Variants in HSD17B2 observed in about 807,000 individuals in gnomAD.
HSD17B2 encodes hydroxysteroid 17-beta dehydrogenase 2, also known as 17-beta-hydroxysteroid dehydrogenase type 2.
In HSD17B2, 32 loss-of-function variants were observed where a neutral mutation model predicts 26.9. That is an observed-to-expected ratio of 1.19 (90% CI 0.90 to 1.60). HSD17B2 has a LOEUF of 1.60. Among genes scored for constraint, HSD17B2 ranks in the 40% most tolerant of loss-of-function variants. The probability of loss-of-function intolerance (pLI) is 0.00; values close to 1 mark genes in which losing one functional copy is unlikely to be tolerated. For missense variants in HSD17B2, 613 were observed against 468.6 expected, an observed-to-expected ratio of 1.31 and a Z score of -2.85; for synonymous variants, 246 against 186.7, an observed-to-expected ratio of 1.32 and a Z score of -2.59.
chr16:82,050,303 CTTCA>C (rs1428839032), intron 1 of HSD17B2, among the ~76,000 whole-genome samples: 1 of 151,870 alleles, frequency 6.6e-6, no homozygotes, highest in Non-Finnish European at 1.5e-5. Flanking sequence ...AAGAACTCCC[CTTCA>C]TTCTCATTTC....
At chr16:82,076,457 T>C (rs1904302863) in intron 3 of HSD17B2, among the ~76,000 whole-genome samples, 1 of 152,240 alleles carries the variant, frequency 6.6e-6, no homozygotes, top group Non-Finnish European at 1.5e-5. Flanking sequence ...TATCCTTGTT[T>C]GCAGATGATA....
chr16:82,062,723 G>A (rs184862239), intron 1 of HSD17B2, among the ~76,000 whole-genome samples: 48 of 152,358 alleles, frequency 3.2e-4, no homozygotes, highest in African/African-American at 1.1e-3. Flanking sequence ...TGGTAAACAT[G>A]CAATCCATAC....
intron 3 of HSD17B2, among the ~76,000 whole-genome samples, chr16:82,085,480 G>C (rs77906217): frequency 6.6e-6 from 1 of 152,072 alleles, no homozygotes; most frequent in Non-Finnish European, 1.5e-5. Flanking sequence ...AAGTGATAAA[G>C]TCAGGATATG....
rs139979671 is a variant in HSD17B2, at chr16:82,039,839, C to A, written c.265+4150C>A. 3.0e-3 allele frequency among the ~76,000 whole-genome samples: 452 copies of A among 152,270 alleles called. 4 individuals carry two copies. Among genetic ancestry groups the A allele is most frequent in the African/African-American group, 0.01 (436 of 41,560 alleles). ...GCTTCATGGACCACTGGGGAAGACA[C>A]GGCCACACCCAACTGTGGCTGTGTG... On this transcript the variant is annotated intron_variant, in intron 1 of 4. Transcript: ENST00000199936.
Position 82,035,291 on chromosome 16 carries a change from T to C in HSD17B2, c.-134T>C. On this transcript the variant is annotated 5_prime_UTR_variant, in exon 1 of 5. Coordinates refer to ENST00000199936, the MANE Select transcript of HSD17B2 (RefSeq NM_002153.3). ...ATGATTATGCTTAATCTATGCTCAG[T>C]TGAAAGGGGCTGGGGCTGCTTTCTC... 1 of 724,268 alleles carries C rather than the reference T, an allele frequency of 1.4e-6. No individual in the cohort carries two copies. The highest frequency in any genetic ancestry group is 2.8e-5 in the Admixed American group (1 of 36,344). The allele number at this position is 724,268 out of a possible 1,614,324, so 44.9% of individuals were successfully genotyped here. A position where few individuals can be genotyped will look rare whatever the true frequency, so the allele number is the denominator to read the frequency against.
chr16:82,054,208 G>GAAAAAAAAAA (rs74264895), intron 1 of HSD17B2, among the ~76,000 whole-genome samples: 2 of 85,692 alleles, frequency 2.3e-5, no homozygotes, highest in Non-Finnish European at 5.0e-5. Flanking sequence ...CCCACATATC[G>GAAAAAAAAAA]AAAAAAAAAA....
At chr16:82,035,817 A>T (rs1023173838) in intron 1 of HSD17B2, 128 bp downstream of exon 1, 4 of 991,090 alleles carry the variant, frequency 4.0e-6, no homozygotes, top group Non-Finnish European at 6.0e-6. Context: ...CCCTCACCCA[A>T]GTATTTTTCA....
At chr16:82,041,788 T>G (rs972634705) in intron 1 of HSD17B2, among the ~76,000 whole-genome samples, 1 of 152,158 alleles carries the variant, frequency 6.6e-6, no homozygotes, top group African/African-American at 2.4e-5. Flanking sequence ...ATGGCTGCAT[T>G]CTCTACCCAG....
intron 1 of HSD17B2, among the ~76,000 whole-genome samples, chr16:82,042,013 A>G (rs80230555): frequency 8.3e-6 from 1 of 120,524 alleles, no homozygotes; most frequent in Non-Finnish European, 1.8e-5. Context: ...TTTTTTTTTA[A>G]TTTTTTATGC....
chr16:82,093,797 T>G (rs1325774195), intron 4 of HSD17B2: 2 of 152,162 alleles, frequency 1.3e-5, no homozygotes, highest in East Asian at 3.8e-4. Flanking sequence ...CTTGACTGAG[T>G]ATACTTATAG....
intron 4 of HSD17B2, chr16:82,093,901 C>T (rs7499494): frequency 0.57 from 86,817 of 151,972 alleles, 25,034 homozygotes; most frequent in Middle Eastern, 0.69. Context: ...GTTCCTCCCC[C>T]TTTTAGACCA....
intron 1 of HSD17B2, among the ~76,000 whole-genome samples, chr16:82,041,694 C>T (rs1210456680): frequency 6.6e-6 from 1 of 152,234 alleles, no homozygotes; most frequent in Non-Finnish European, 1.5e-5. Flanking sequence ...CATTTCCATG[C>T]TTCTTTGTCC....
At chr16:82,071,262 C>T (rs759378846) in intron 3 of HSD17B2, 135 bp downstream of exon 3, 9 of 807,398 alleles carry the variant, frequency 1.1e-5, no homozygotes, top group South Asian at 1.1e-4. Context: ...TGTATATACC[C>T]TGTTGGTCTT....
intron 1 of HSD17B2, among the ~76,000 whole-genome samples, chr16:82,042,987 T>A (rs1913808520): frequency 6.6e-6 from 1 of 152,230 alleles, no homozygotes; most frequent in Non-Finnish European, 1.5e-5. Context: ...AATGTTAGCT[T>A]CCAACTTCTG....
rs151137162 is a variant in HSD17B2, at chr16:82,061,519, T to A, written c.266-6651T>A. ...CCCAGCTCCAGAATCCAGGTTATCA[T>A]CATTTCTCTTGGCTGTATTTTAATA... On this transcript the variant is annotated intron_variant, in intron 1 of 4. Coordinates refer to ENST00000199936, the MANE Select transcript of HSD17B2 (RefSeq NM_002153.3). Among the ~76,000 whole-genome samples, 65 of 152,292 alleles carry A rather than the reference T, an allele frequency of 4.3e-4. No individual in the cohort carries two copies. The East Asian group carries it at 0.012, about 28-fold the overall frequency.
Position 82,098,174 on chromosome 16 carries a change from T to C in HSD17B2, c.902T>C (p.Leu301Ser), listed in dbSNP as rs771625144. Residue 301 changes from leucine to serine, a missense_variant, in exon 5 of 5, where the codon TTA (leucine) becomes TCA (serine). By Grantham distance (145) the Leu-to-Ser change is moderately radical (BLOSUM62 -2). Coordinates refer to ENST00000199936, the MANE Select transcript of HSD17B2 (RefSeq NM_002153.3). The part of the protein sequence containing the change: ...VQEDYGQDYI[L>S]AQRNFLLLIN... ...GAAGACTACGGCCAGGACTACATCT[T>C]AGCACAGCGGAATTTCCTCCTATTG... 1.1e-5 allele frequency: 17 copies of C among 1,613,968 alleles called. No individual in the cohort carries two copies. The highest frequency in any genetic ancestry group is 1.4e-5 in the Non-Finnish European group (17 of 1,180,014).
intron 1 of HSD17B2, among the ~76,000 whole-genome samples, chr16:82,053,012 G>T (rs1008679201): frequency 6.6e-6 from 1 of 152,124 alleles, no homozygotes; most frequent in African/African-American, 2.4e-5. Flanking sequence ...CCTCTTGGGG[G>T]CCCCATTATG....
intron 3 of HSD17B2, among the ~76,000 whole-genome samples, chr16:82,072,762 C>T (rs1021056685): frequency 3.9e-5 from 6 of 152,132 alleles, no homozygotes; most frequent in Admixed American, 3.9e-4. Flanking sequence ...AAGTGAAAAG[C>T]TTACAGTACA....
intron 1 of HSD17B2, among the ~76,000 whole-genome samples, chr16:82,036,528 G>T (rs1879477917): frequency 6.6e-6 from 1 of 152,076 alleles, no homozygotes; most frequent in Non-Finnish European, 1.5e-5. Context: ...GGAATCATTT[G>T]GGGGAGATCA....
Sources: allele counts gnomAD v4.1 joint callset (sites outside exome capture counted in the v4.1 genomes callset), GRCh38; gene constraint gnomAD v4.1.1; transcripts MANE v1.5; gene names NCBI Gene and HGNC (gene_info 2026-07-23, HGNC 2026-07-21).